Variants in TEX36 observed in about 807,000 individuals in gnomAD.
TEX36 encodes testis-expressed protein 36.
Under a neutral mutation model 13.6 loss-of-function variants are expected in TEX36, and 12 were observed. The ratio of observed to expected loss-of-function variants is 0.88; its 90% CI spans 0.56 to 1.43. The LOEUF is 1.43. Ranked by LOEUF, TEX36 falls within the 40% of genes most tolerant of loss-of-function variation. The probability of loss-of-function intolerance (pLI) is 0.00; values close to 1 mark genes in which losing one functional copy is unlikely to be tolerated. For missense variants in TEX36, 224 were observed against 228.3 expected, an observed-to-expected ratio of 0.98 and a Z score of 0.12; for synonymous variants, 93 against 83.0, an observed-to-expected ratio of 1.12 and a Z score of -0.65.
chr10:125,671,689 A>T (rs9422928), intron 1 of TEX36, among the ~76,000 whole-genome samples: 2,638 of 152,184 alleles, frequency 0.017, 75 homozygotes, highest in African/African-American at 0.059. Flanking sequence ...TTGTTCTGAA[A>T]AGTTTCAGGA....
intron 3 of TEX36, among the ~76,000 whole-genome samples, chr10:125,612,622 C>T (rs897773899): frequency 6.6e-6 from 1 of 152,118 alleles, no homozygotes; most frequent in East Asian, 1.9e-4. Context: ...TGCCTTGGTT[C>T]ATTGGGCAAC....
chr10:125,648,154 G>A (rs1846801035), intron 3 of TEX36, among the ~76,000 whole-genome samples: 1 of 152,250 alleles, frequency 6.6e-6, no homozygotes, highest in Admixed American at 6.5e-5. Context: ...GAAGAGAGTA[G>A]TGGTTCTCCC....
In TEX36 at chr10:125,656,005, G is replaced by T. The variant is rs541468585; in HGVS notation, c.456C>A (p.Asn152Lys). 3.2e-6 allele frequency: 5 copies of T among 1,551,652 alleles called. No individual in the cohort carries two copies. The highest frequency in any genetic ancestry group is 1.4e-5 in the African/African-American group (1 of 73,006). Residue 152 changes from asparagine (N) to lysine (K), a missense_variant, in exon 4 of 4, where the codon AAC becomes AAA. Coordinates refer to ENST00000368821, the MANE Select transcript of TEX36 (RefSeq NM_001128202.3). ...RFPRCYKEIW[N>K]AFTFLPERSY... ...TTCTCTCAGGAAGAAATGTAAAAGC[G>T]TTCCATATCTCTTTATAGCATCGTG...
downstream of TEX36, among the ~76,000 whole-genome samples, chr10:125,621,237 T>C (rs190133674): frequency 3.3e-5 from 5 of 152,300 alleles, no homozygotes; most frequent in East Asian, 9.6e-4. Context: ...TGCTGAGTCA[T>C]GTGGTAATTC....
intron 1 of TEX36, among the ~76,000 whole-genome samples, chr10:125,678,390 G>A (rs1847343389): frequency 6.6e-6 from 1 of 152,132 alleles, no homozygotes; most frequent in South Asian, 2.1e-4. Flanking sequence ...AGGTAGGTCA[G>A]TCTTCAGGCC....
chr10:125,679,680 C>T (rs1483138131), intron 1 of TEX36, among the ~76,000 whole-genome samples: 1 of 152,214 alleles, frequency 6.6e-6, no homozygotes, highest in African/African-American at 2.4e-5. Context: ...TTTTTCCTTT[C>T]TCTTTCCCCA....
At chr10:125,633,384 TG>T (rs1394991811) in intron 3 of TEX36, among the ~76,000 whole-genome samples, 1 of 152,216 alleles carries the variant, frequency 6.6e-6, no homozygotes, top group Non-Finnish European at 1.5e-5. Flanking sequence ...TGCTTGACAT[TG>T]GACACCTCCT....
In TEX36 at chr10:125,578,545, G is replaced by A. The variant is rs892423764; in HGVS notation, c.265-1671C>T. The A allele has an allele frequency of 1.7e-4, 26 of 152,178 alleles. 1 individual carries two copies. The highest frequency in any genetic ancestry group is 6.0e-4 in the African/African-American group (25 of 41,430). The allele number at this position is 152,178 out of a possible 1,614,324, so 9.4% of individuals were successfully genotyped here. A position where few individuals can be genotyped will look rare whatever the true frequency, so the allele number is the denominator to read the frequency against. ...AATGACTCAGAAAAGAGTTCATTTG[G>A]CTATGGGCTTACCCAGCTTTAAACG... is the stretch of plus-strand genomic sequence containing the variant. On this transcript the variant is annotated intron_variant, in intron 3 of 3. Transcript: ENST00000532135.
At chr10:125,628,924 T>C (rs1289026659) in intron 3 of TEX36, among the ~76,000 whole-genome samples, 3 of 152,222 alleles carry the variant, frequency 2.0e-5, no homozygotes, top group Non-Finnish European at 4.4e-5. Flanking sequence ...TCATGCTTTA[T>C]ATCCACTACC....
intron 1 of TEX36, among the ~76,000 whole-genome samples, chr10:125,675,165 C>G (rs1847292499): frequency 6.6e-6 from 1 of 152,138 alleles, no homozygotes; most frequent in Non-Finnish European, 1.5e-5. Context: ...AGGGATGGAC[C>G]AGAGTCCAGC....
chr10:125,636,090 G>A (rs1846620298), intron 3 of TEX36, among the ~76,000 whole-genome samples: 1 of 151,902 alleles, frequency 6.6e-6, no homozygotes, highest in African/African-American at 2.4e-5. Context: ...GCCCAGGCTG[G>A]TCTGGAACTC....
chr10:125,588,537 A>G (rs534832443), intron 3 of TEX36, among the ~76,000 whole-genome samples: 1 of 152,326 alleles, frequency 6.6e-6, no homozygotes, highest in African/African-American at 2.4e-5. Context: ...GAAGCAATGC[A>G]GCATGTGATG....
chr10:125,673,995 T>C (rs954167168), intron 1 of TEX36, among the ~76,000 whole-genome samples: 6 of 152,282 alleles, frequency 3.9e-5, no homozygotes, highest in Middle Eastern at 3.4e-3. Flanking sequence ...AAGTTCTGGA[T>C]GATATCCTGA....
intron 3 of TEX36, among the ~76,000 whole-genome samples, chr10:125,656,598 T>C (rs1019447277): frequency 6.6e-6 from 1 of 151,754 alleles, no homozygotes; most frequent in African/African-American, 2.4e-5. Context: ...AATCAGTTAC[T>C]TGACATGTAT....
At chr10:125,593,365 C>G (rs1180915983) in intron 3 of TEX36, among the ~76,000 whole-genome samples, 1 of 152,228 alleles carries the variant, frequency 6.6e-6, no homozygotes, top group Admixed American at 6.5e-5. Flanking sequence ...AGTTGCCATA[C>G]TCTAGAAAGA....
At chr10:125,608,286 G>T (rs1451083615) in intron 3 of TEX36, among the ~76,000 whole-genome samples, 2 of 143,582 alleles carry the variant, frequency 1.4e-5, no homozygotes, top group Non-Finnish European at 3.0e-5. Context: ...TGATGATGGT[G>T]ATGATGGTTT....
downstream of TEX36, among the ~76,000 whole-genome samples, chr10:125,652,243 A>G (rs754640261): frequency 6.6e-6 from 1 of 152,218 alleles, no homozygotes; most frequent in South Asian, 2.1e-4. Context: ...ACTTTGAACT[A>G]TACTACAAGT....
intron 1 of TEX36, chr10:125,667,773 A>G (rs1416011819): frequency 6.6e-6 from 6 of 913,120 alleles, no homozygotes; most frequent in South Asian, 2.9e-5. Flanking sequence ...AGCAGCTGAC[A>G]GTAGAAGCGC....
At chr10:125,597,879 T>C (rs1846100785) in intron 3 of TEX36, among the ~76,000 whole-genome samples, 1 of 152,250 alleles carries the variant, frequency 6.6e-6, no homozygotes, top group Non-Finnish European at 1.5e-5. Flanking sequence ...TTAGTTTCTA[T>C]AGGGATCCCA....
Sources: allele counts gnomAD v4.1 joint callset (sites outside exome capture counted in the v4.1 genomes callset), GRCh38; gene constraint gnomAD v4.1.1; transcripts MANE v1.5; gene names NCBI Gene and HGNC (gene_info 2026-07-23, HGNC 2026-07-21).